Variants in SORBS2 observed in about 807,000 individuals in gnomAD.
SORBS2 encodes the protein sorbin and SH3 domain-containing protein 2.
Under a neutral mutation model 97.7 loss-of-function variants are expected in SORBS2, and 46 were observed. That is an observed-to-expected ratio of 0.47 (90% CI 0.37 to 0.60). The LOEUF is 0.60. Among genes scored for constraint, SORBS2 ranks in the 20% least tolerant of loss-of-function variants. SORBS2 has a pLI of 0.00. For missense variants in SORBS2, 1,316 were observed against 1,282.3 expected (o/e 1.03, Z -0.40); for synonymous variants, 476 against 473.4 (o/e 1.01, Z -0.07).
At chr4:185,936,630 T>C (rs545207258) in intron 1 of SORBS2, among the ~76,000 whole-genome samples, 6 of 152,356 alleles carry the variant, frequency 3.9e-5, no homozygotes, top group Admixed American at 2.0e-4. Flanking sequence ...TTGATAATAG[T>C]GTGATAACCA....
chr4:185,765,354 T>C (rs1281665734), intron 2 of SORBS2, among the ~76,000 whole-genome samples: 1 of 151,384 alleles, frequency 6.6e-6, no homozygotes, highest in Non-Finnish European at 1.5e-5. Flanking sequence ...CAAATAGTCT[T>C]CTGCCAAATG....
At position 185,684,837 on chromosome 4, in the gene SORBS2, C is replaced by G. The variant is rs1490561221; in HGVS notation, c.-197-6015G>C. The G allele has an allele frequency of 6.4e-7, 1 of 1,551,720 alleles. No individual in the cohort carries two copies. Among genetic ancestry groups the G allele is most frequent in the Non-Finnish European group, 8.7e-7 (1 of 1,146,974 alleles). On this transcript the variant is annotated intron_variant, in intron 2 of 20. Coordinates refer to the SORBS2 transcript ENST00000284776. This position sits in a 1 kb window ranked among gnomAD's most constrained non-coding sequence, Gnocchi z 4.2. Reference sequence around the variant, plus strand: ...CATGGCGGCACGTTTGCGAGCACACCCACCGCTATCTGGAAGCAAAAAAAT... The same window carrying G: ...CATGGCGGCACGTTTGCGAGCACACGCACCGCTATCTGGAAGCAAAAAAAT...
exon 4 of SORBS2, chr4:185,646,749 G>A: frequency 6.2e-7 from 1 of 1,613,048 alleles, no homozygotes; most frequent in Non-Finnish European, 8.5e-7. Flanking sequence ...ATTTTCTTGT[G>A]TCCACTTTTC....
chr4:185,822,776 C>A (rs896401136), intron 1 of SORBS2, among the ~76,000 whole-genome samples: 1 of 152,152 alleles, frequency 6.6e-6, no homozygotes, highest in East Asian at 1.9e-4. Flanking sequence ...CAAACCATGC[C>A]CCTTGCCTAG....
At chr4:185,627,300 C>T (rs2096831587) in intron 5 of SORBS2, among the ~76,000 whole-genome samples, 2 of 152,218 alleles carry the variant, frequency 1.3e-5, no homozygotes, top group African/African-American at 4.8e-5. Context: ...GCCCCAAACT[C>T]CTGGGCTCAA....
intron 2 of SORBS2, among the ~76,000 whole-genome samples, chr4:185,705,868 A>G (rs528199694): frequency 4.7e-4 from 72 of 152,242 alleles, no homozygotes; most frequent in African/African-American, 1.7e-3. Context: ...CTGAGTTGCT[A>G]TTGGACATCT....
In SORBS2 at chr4:185,623,002, G is replaced by A. The variant is rs572897258; in HGVS notation, c.2127C>T (p.Cys709=). The A allele has an allele frequency of 1.9e-6, 3 of 1,614,112 alleles. No homozygotes were observed. Among genetic ancestry groups the A allele is most frequent in the East Asian group, 4.5e-5 (2 of 44,862 alleles). Residue 709 remains cysteine (C), a synonymous_variant, in exon 7 of 15, where the codon TGC becomes TGT. Transcript: ENST00000418609. This position sits in a 1 kb window ranked among gnomAD's most constrained non-coding sequence, Gnocchi z 6.4. ...AAGAGGCACTGCGGGGCATTCTCCC[G>A]CAGTCATTCTGGTAGGGTGGACAAT...
At chr4:185,609,802 G>A (rs764522024) in intron 12 of SORBS2, among the ~76,000 whole-genome samples, 2 of 152,122 alleles carry the variant, frequency 1.3e-5, no homozygotes, top group African/African-American at 2.4e-5. Flanking sequence ...GTTCTGTAGC[G>A]TTTAGTATAT....
chr4:185,790,739 CACAG>C (rs1307423184), intron 1 of SORBS2, among the ~76,000 whole-genome samples: 2 of 152,208 alleles, frequency 1.3e-5, no homozygotes, highest in Non-Finnish European at 2.9e-5. Flanking sequence ...TCTCTCATCT[CACAG>C]ACAAATACTC....
chr4:185,827,249 TCATCATCAC>T (rs1561211041), intron 1 of SORBS2, among the ~76,000 whole-genome samples: 36 of 15,088 alleles, frequency 2.4e-3, no homozygotes, highest in East Asian at 7.7e-3. Context: ...ATCACCACCA[TCATCATCAC>T]CATCATCACC....
Position 185,649,454 on chromosome 4 carries a change from G to T in SORBS2, c.281+13C>A. 6.4e-7 allele frequency: 1 copy of T among 1,554,718 alleles called. No individual in the cohort carries two copies. The highest frequency in any genetic ancestry group is 1.2e-5 in the South Asian group (1 of 82,812). The stretch of plus-strand genomic sequence containing the variant: ...AAGCGAAACATAGGCCACCCTGGGG[G>T]GAAATGCCTTACTTTTCTGTTGAAG... On this transcript the variant is annotated intron_variant, in intron 3 of 14. Transcript: ENST00000418609.
At chr4:185,740,503 GAA>G (rs1490372785) in intron 2 of SORBS2, among the ~76,000 whole-genome samples, 1 of 152,216 alleles carries the variant, frequency 6.6e-6, no homozygotes, top group Non-Finnish European at 1.5e-5. Context: ...CAAGAAAGCT[GAA>G]AGTCAGTGAA....
At chr4:185,897,456 C>G (rs934175636) in intron 1 of SORBS2, among the ~76,000 whole-genome samples, 4 of 152,186 alleles carry the variant, frequency 2.6e-5, no homozygotes, top group African/African-American at 9.7e-5. Flanking sequence ...TTTGTTAAAC[C>G]TAAGCATAAA....
intron 2 of SORBS2, among the ~76,000 whole-genome samples, chr4:185,760,654 A>G (rs912660729): frequency 8.5e-5 from 13 of 152,376 alleles, no homozygotes; most frequent in Middle Eastern, 3.4e-3. Context: ...AGCATTGGAT[A>G]GAACAATACT....
chr4:185,655,005 T>G (rs1483805040), intron 1 of SORBS2, among the ~76,000 whole-genome samples: 1 of 152,204 alleles, frequency 6.6e-6, no homozygotes, highest in Non-Finnish European at 1.5e-5. Flanking sequence ...AAACAAGTGT[T>G]ATATTGGAAG....
intron 1 of SORBS2, among the ~76,000 whole-genome samples, chr4:185,906,079 G>C (rs1390500202): frequency 6.6e-6 from 1 of 152,184 alleles, no homozygotes; most frequent in East Asian, 1.9e-4. Flanking sequence ...TGTGGCCCAG[G>C]CTGGAGTGCA....
intron 1 of SORBS2, among the ~76,000 whole-genome samples, chr4:185,879,167 C>A (rs1179771779): frequency 2.7e-5 from 2 of 73,640 alleles, no homozygotes; most frequent in Admixed American, 2.3e-4. Context: ...GCTATCCCTC[C>A]CCCCCCCCCA....
At chr4:185,698,307 C>A (rs2098207972) in intron 2 of SORBS2, among the ~76,000 whole-genome samples, 1 of 152,064 alleles carries the variant, frequency 6.6e-6, no homozygotes, top group African/African-American at 2.4e-5. Context: ...GAAACCCCTG[C>A]CTCTACTAAA....
At chr4:185,598,366 A>G (rs2096169418) in intron 12 of SORBS2, among the ~76,000 whole-genome samples, 1 of 152,240 alleles carries the variant, frequency 6.6e-6, no homozygotes, top group African/African-American at 2.4e-5. Flanking sequence ...CAAAAGAGAC[A>G]AGTTTTAAAC....
Sources: allele counts gnomAD v4.1 joint callset (sites outside exome capture counted in the v4.1 genomes callset), GRCh38; gene constraint gnomAD v4.1.1; non-coding constraint Gnocchi (gnomAD v3.1); transcripts MANE v1.5; gene names NCBI Gene and HGNC (gene_info 2026-07-23, HGNC 2026-07-21).